Variants in CFAP47 observed in about 807,000 individuals in gnomAD.
CFAP47 encodes the protein cilia- and flagella-associated protein 47.
CFAP47 carries 29 observed loss-of-function variants against 148.1 expected under a neutral mutation model. The ratio of observed to expected loss-of-function variants is 0.20; its 90% CI spans 0.15 to 0.27. The LOEUF (loss-of-function observed/expected upper bound fraction) is 0.27, where lower values mean the gene tolerates loss of function less well. CFAP47 is among the 10% of genes least tolerant of loss of function. CFAP47 has a pLI of 1.00. For missense variants in CFAP47, 1,872 were observed against 1,697.5 expected (o/e 1.10, Z -1.81); for synonymous variants, 664 against 577.3 (o/e 1.15, Z -2.15).
intron 62 of CFAP47, chrX:36,374,763 G>A (rs1431755573): frequency 1.1e-5 from 6 of 559,003 alleles, no homozygotes; most frequent in African/African-American, 9.4e-5. Flanking sequence ...TTTCCATGAG[G>A]CATTTTATTT....
chrX:35,986,236 G>T (rs1481121392), intron 15 of CFAP47, among the ~76,000 whole-genome samples: 1 of 110,737 alleles, frequency 9.0e-6, no homozygotes, highest in Non-Finnish European at 1.9e-5. Flanking sequence ...TCGCTTTCAG[G>T]TACACCAATC....
At chrX:36,024,979 T>C (rs1937200026) in intron 22 of CFAP47, among the ~76,000 whole-genome samples, 1 of 111,361 alleles carries the variant, frequency 9.0e-6, no homozygotes, top group African/African-American at 3.3e-5. Flanking sequence ...CTTAATAGAA[T>C]GTTTTACTTG....
intron 49 of CFAP47, among the ~76,000 whole-genome samples, chrX:36,266,123 A>G (rs4077455): frequency 0.36 from 39,270 of 110,128 alleles, 7,726 homozygotes; most frequent in African/African-American, 0.76. Context: ...GCACTCCATA[A>G]GGAATGATGG....
intron 22 of CFAP47, among the ~76,000 whole-genome samples, chrX:36,015,977 C>A (rs1405678822): frequency 2.7e-5 from 3 of 109,844 alleles, no homozygotes; most frequent in Non-Finnish European, 5.7e-5. Context: ...TAAGTTGAAA[C>A]CAGCTCTGTT....
intron 54 of CFAP47, 25 bp from the exon 55 acceptor site, chrX:36,306,747 C>A: frequency 9.8e-7 from 1 of 1,022,444 alleles, no homozygotes; most frequent in Non-Finnish European, 1.3e-6. Flanking sequence ...TTTTTGTTCC[C>A]CCTTTGCTTT....
In CFAP47 at chrX:35,928,647, T is replaced by G. The variant is rs1248529916; in HGVS notation, c.401+2479T>G. Among the ~76,000 whole-genome samples, 3 of 103,207 alleles carry G rather than the reference T, an allele frequency of 2.9e-5. No homozygotes were observed. In the South Asian group the frequency reaches 1.2e-3, roughly 41 times the overall value. 89.6% of individuals were successfully genotyped at this position (103,207 alleles called of 115,157 possible). A position where few individuals can be genotyped will look rare whatever the true frequency, so the allele number is the denominator to read the frequency against. On this transcript the variant is annotated intron_variant, in intron 2 of 63. Transcript: ENST00000378653. Reference sequence around the variant, plus strand: ...CTGGGTATTTTGTAGAACAAAAGGGTTTTTTTTTTAAACGTTCAATGATGT... The same window carrying G: ...CTGGGTATTTTGTAGAACAAAAGGGGTTTTTTTTTAAACGTTCAATGATGT...
At chrX:36,342,401 G>A (rs1389621658) in intron 57 of CFAP47, among the ~76,000 whole-genome samples, 1 of 111,658 alleles carries the variant, frequency 9.0e-6, no homozygotes, top group Admixed American at 9.6e-5. Context: ...GGAGCTAACC[G>A]ATCATTGCAA....
At position 35,924,228 on chromosome X, in the gene CFAP47, T is replaced by C. The variant is rs770429348; in HGVS notation, c.250-1789T>C. ...ACATGTATGTGTGCATGTATGTGTA[T>C]ATATGGACATGTATGTGTGCATATG... On this transcript the variant is annotated intron_variant, in intron 1 of 63. Transcript: ENST00000378653. Among the ~76,000 whole-genome samples, 8 of 95,147 alleles carry C rather than the reference T, an allele frequency of 8.4e-5. No homozygotes were observed. The South Asian group carries it at 3.7e-3, about 44-fold the overall frequency. 82.6% of individuals were successfully genotyped at this position (95,147 alleles called of 115,157 possible). A position where few individuals can be genotyped will look rare whatever the true frequency, so the allele number is the denominator to read the frequency against.
chrX:36,160,850 CTTTTTT>C (rs147566241), intron 39 of CFAP47, 81 bp downstream of exon 39: 38 of 158,759 alleles, frequency 2.4e-4, no homozygotes, highest in African/African-American at 2.5e-4. Context: ...TTCTTTCTTT[CTTTTTT>C]TTTTTTTTTT....
chrX:36,350,038 T>C lies in CFAP47; in HGVS notation c.8604T>C (p.Ser2868=). 4.5e-6 allele frequency: 5 copies of C among 1,117,273 alleles called. No homozygotes were observed. Among genetic ancestry groups the C allele is most frequent in the Non-Finnish European group, 6.0e-6 (5 of 828,744 alleles). The allele number at this position is 1,117,273 out of a possible 1,213,427, so 92.1% of individuals were successfully genotyped here. ...TCTTAATATTTTAATTTCTAATTAGTATTGTGGGAATCGACAGCGAAGAAA... is the reference window on the plus strand; with the variant it reads ...TCTTAATATTTTAATTTCTAATTAGCATTGTGGGAATCGACAGCGAAGAAA... ...NFDELDIKFK[S]IVGIDSEEIQ... Residue 2868 remains serine (S), a splice_region_variant and synonymous_variant, in exon 59 of 64, where the codon AGT becomes AGC. Coordinates refer to ENST00000378653, the MANE Select transcript of CFAP47 (RefSeq NM_001304548.2).
chrX:36,265,588 T>C (rs1556000919), intron 49 of CFAP47, among the ~76,000 whole-genome samples: 1 of 111,886 alleles, frequency 8.9e-6, no homozygotes, highest in African/African-American at 3.3e-5. Flanking sequence ...CTTCGGTAAG[T>C]AATTTGTTGA....
At chrX:36,287,550 T>C (rs1411697515) in intron 51 of CFAP47, among the ~76,000 whole-genome samples, 1 of 111,402 alleles carries the variant, frequency 9.0e-6, no homozygotes, top group African/African-American at 3.3e-5. Context: ...CATTGAGTAG[T>C]TTTACGTTAT....
intron 8 of CFAP47, among the ~76,000 whole-genome samples, chrX:35,963,013 T>A (rs1279833428): frequency 9.3e-6 from 1 of 107,265 alleles, no homozygotes; most frequent in Non-Finnish European, 1.9e-5. Context: ...AATAAGGAAA[T>A]CTTGTCATTT....
chrX:35,992,059 A>T (rs1456612270), intron 17 of CFAP47, 116 bp downstream of exon 17: 2 of 274,558 alleles, frequency 7.3e-6, no homozygotes, highest in Admixed American at 6.5e-5. Context: ...CATTAAATTT[A>T]CCTGAGTATA....
intron 46 of CFAP47, among the ~76,000 whole-genome samples, chrX:36,235,598 C>T (rs1445804197): frequency 5.3e-5 from 6 of 112,459 alleles, no homozygotes; most frequent in African/African-American, 1.3e-4. Flanking sequence ...CGCCCTGCTT[C>T]GGCTCACACA....
chrX:36,255,006 A>G (rs1296031934), intron 49 of CFAP47, among the ~76,000 whole-genome samples: 1 of 111,626 alleles, frequency 9.0e-6, no homozygotes, highest in Non-Finnish European at 1.9e-5. Context: ...GTAGAAAGAA[A>G]TGTTGGGAAC....
At chrX:36,011,516 T>C (rs776964716) in intron 21 of CFAP47, among the ~76,000 whole-genome samples, 2 of 112,115 alleles carry the variant, frequency 1.8e-5, no homozygotes, top group East Asian at 5.6e-4. Flanking sequence ...CATAATATTC[T>C]GTCAGGTGGC....
At chrX:36,349,999 C>A in intron 58 of CFAP47, 39 bp from the exon 59 acceptor site, 1 of 831,115 alleles carries the variant, frequency 1.2e-6, no homozygotes, top group East Asian at 3.5e-5. Flanking sequence ...TATGGAGTTT[C>A]TCCTTTTGTT....
At chrX:35,943,892 A>G (rs1487156795) in intron 3 of CFAP47, among the ~76,000 whole-genome samples, 2 of 111,033 alleles carry the variant, frequency 1.8e-5, no homozygotes, top group South Asian at 3.8e-4. Flanking sequence ...CGGGCATCCA[A>G]TGTGAAATAA....
Sources: gnomAD v4.1 joint callset for allele counts (sites outside exome capture counted in the v4.1 genomes callset) on GRCh38, gnomAD v4.1.1 for gene constraint, MANE v1.5 for transcripts, NCBI Gene and HGNC (gene_info 2026-07-23, HGNC 2026-07-21) for gene names.